INTS9: variants seen among roughly 807,000 people sequenced by gnomAD.
INTS9 encodes integrator complex subunit 9, also known as protein related to CPSF subunits of 74 kDa.
Under a neutral mutation model 79.7 loss-of-function variants are expected in INTS9, and 55 were observed. The ratio of observed to expected loss-of-function variants is 0.69; its 90% CI spans 0.56 to 0.86. The LOEUF (loss-of-function observed/expected upper bound fraction) is 0.86, where lower values mean the gene tolerates loss of function less well. Ranked by LOEUF, INTS9 falls within the 40% of genes least tolerant of loss-of-function variation. The probability of loss-of-function intolerance (pLI) is 0.00; values close to 1 mark genes in which losing one functional copy is unlikely to be tolerated. For missense variants in INTS9, 721 were observed against 831.5 expected (o/e 0.87, Z 1.64); for synonymous variants, 319 against 325.2 (o/e 0.98, Z 0.20).
intron 10 of INTS9, among the ~76,000 whole-genome samples, chr8:28,791,545 T>C (rs1458149558): frequency 6.6e-6 from 1 of 152,192 alleles, no homozygotes; most frequent in Non-Finnish European, 1.5e-5. Flanking sequence ...AGCACCTCCT[T>C]CCAGAATGCC....
rs1432566702 is a variant in INTS9 at position 28,771,070 on chromosome 8, G to A, written c.1574C>T (p.Ser525Leu). 6.2e-7 allele frequency: 1 copy of A among 1,608,782 alleles called. No homozygotes were observed. Among genetic ancestry groups the A allele is most frequent in the Non-Finnish European group, 8.5e-7 (1 of 1,177,610 alleles). ...AGGCTTGATCTCCATGGGCACCAGT[G>A]AATCTGCGAGCTGAAAGCAAAGGGC... ...KIEIMPELAD[S>L]LVPMEIKPGI... The change falls in exon 15 of 17, where the codon TCA becomes TTA. Residue 525 changes from serine to leucine, a missense_variant. Physicochemically the swap from Ser to Leu is moderately radical, Grantham distance 145. Transcript: ENST00000521022.
At chr8:28,884,748 T>C (rs751120140) in intron 1 of INTS9, among the ~76,000 whole-genome samples, 24 of 152,174 alleles carry the variant, frequency 1.6e-4, no homozygotes, top group Non-Finnish European at 2.4e-4. Context: ...GGCACTCTTA[T>C]TAACCAGCAA....
rs528994828 is a variant in INTS9 at position 28,856,079 on chromosome 8, T to C, written c.137+3357A>G. 2.0e-5 allele frequency among the ~76,000 whole-genome samples: 3 copies of C among 152,306 alleles called. No homozygotes were observed. In the South Asian group the frequency reaches 6.2e-4, roughly 32 times the overall value. On this transcript the variant is annotated intron_variant, in intron 2 of 16. Coordinates refer to ENST00000521022, the MANE Select transcript of INTS9 (RefSeq NM_018250.4). Reference sequence around the variant, plus strand: ...GTCACACAAAAAAGATGACTCTTGATTGAGACAGGGTCAAGATGAGAATTG... The same window carrying C: ...GTCACACAAAAAAGATGACTCTTGACTGAGACAGGGTCAAGATGAGAATTG...
In INTS9 at chr8:28,798,208, C is replaced by T. The variant is rs537860727; in HGVS notation, c.745-1553G>A. The T allele has an allele frequency of 2.0e-5, 3 of 152,292 alleles. No homozygotes were observed. The South Asian group carries it at 6.2e-4, about 32-fold the overall frequency. 9.4% of individuals were successfully genotyped at this position (152,292 alleles called of 1,614,324 possible). A position where few individuals can be genotyped will look rare whatever the true frequency, so the allele number is the denominator to read the frequency against. ...ACAAATACATATGCATCCATTATTTCCAGAGAAGAGAGGAAGGGAAGTACA... is the reference window on the plus strand; with the variant it reads ...ACAAATACATATGCATCCATTATTTTCAGAGAAGAGAGGAAGGGAAGTACA... On this transcript the variant is annotated intron_variant, in intron 8 of 16. Coordinates refer to ENST00000521022, the MANE Select transcript of INTS9 (RefSeq NM_018250.4).
chr8:28,881,251 T>A (rs1809767021), intron 1 of INTS9, among the ~76,000 whole-genome samples: 2 of 117,610 alleles, frequency 1.7e-5, no homozygotes, highest in Non-Finnish European at 3.7e-5. Flanking sequence ...AGGAGGGAGG[T>A]GGGGGGGTCA....
intron 6 of INTS9, among the ~76,000 whole-genome samples, chr8:28,832,800 A>G (rs1806572755): frequency 6.6e-6 from 1 of 152,104 alleles, no homozygotes; most frequent in African/African-American, 2.4e-5. Context: ...CATCTCTACT[A>G]AAAATACAAA....
chr8:28,876,471 T>A (rs760439264), intron 1 of INTS9, among the ~76,000 whole-genome samples: 2 of 152,168 alleles, frequency 1.3e-5, no homozygotes, highest in Non-Finnish European at 2.9e-5. Flanking sequence ...TCTTTACTAA[T>A]GACTAGAAAA....
intron 8 of INTS9, among the ~76,000 whole-genome samples, chr8:28,806,640 C>T (rs963289938): frequency 5.9e-5 from 9 of 152,202 alleles, no homozygotes; most frequent in Non-Finnish European, 1.2e-4. Context: ...AATCAAATTT[C>T]AGTCCATCAG....
rs1425815066 is a variant in INTS9 at position 28,859,435 on chromosome 8, C to G, written c.137+1G>C. On this transcript the variant is annotated splice_donor_variant, in intron 2 of 16. Coordinates refer to ENST00000521022, the MANE Select transcript of INTS9 (RefSeq NM_018250.4). LOFTEE classifies it high-confidence loss of function. ...TTGTCTTTGGCTGCACCAGCACATACCTTTGAACAAGTGGCAAAGGAAGGA... is the reference window on the plus strand; with the variant it reads ...TTGTCTTTGGCTGCACCAGCACATAGCTTTGAACAAGTGGCAAAGGAAGGA... 1 of 1,614,008 alleles carries G rather than the reference C, an allele frequency of 6.2e-7. No homozygotes were observed.
intron 6 of INTS9, among the ~76,000 whole-genome samples, chr8:28,834,748 C>G (rs976584393): frequency 2.0e-5 from 3 of 151,312 alleles, no homozygotes; most frequent in Admixed American, 1.3e-4. Context: ...GCAATCTCAG[C>G]TCACTGAAAC....
At chr8:28,801,480 ACT>A (rs1804515539) in intron 8 of INTS9, among the ~76,000 whole-genome samples, 2 of 149,204 alleles carry the variant, frequency 1.3e-5, no homozygotes, top group South Asian at 2.1e-4. Context: ...ACAGAGTAAG[ACT>A]CTGTCTCAAA....
intron 6 of INTS9, among the ~76,000 whole-genome samples, chr8:28,821,357 G>A (rs557914483): frequency 5.9e-5 from 9 of 152,198 alleles, no homozygotes; most frequent in South Asian, 2.1e-4. Flanking sequence ...CGGAAGCCCC[G>A]ATAAACCCAT....
intron 6 of INTS9, among the ~76,000 whole-genome samples, chr8:28,834,730 G>A (rs1392624379): frequency 6.7e-6 from 1 of 149,902 alleles, no homozygotes; most frequent in Admixed American, 6.6e-5. Context: ...AGGCTGGAGT[G>A]CAATGGTGCA....
intron 1 of INTS9, among the ~76,000 whole-genome samples, chr8:28,864,879 G>A (rs571539493): frequency 5.9e-5 from 9 of 151,840 alleles, no homozygotes; most frequent in South Asian, 2.1e-4. Context: ...CCAGCTACCC[G>A]GGAGGCTGAG....
chr8:28,834,947 G>A (rs1009259810), intron 6 of INTS9, among the ~76,000 whole-genome samples: 5 of 152,298 alleles, frequency 3.3e-5, no homozygotes, highest in Admixed American at 3.3e-4. Flanking sequence ...AAAGTGCTGG[G>A]ATTACAGGCG....
At chr8:28,854,143 A>G (rs1808012443) in intron 2 of INTS9, among the ~76,000 whole-genome samples, 1 of 152,216 alleles carries the variant, frequency 6.6e-6, no homozygotes, top group East Asian at 1.9e-4. Context: ...CAGCCTTCCG[A>G]GCAGCTGGGA....
intron 1 of INTS9, among the ~76,000 whole-genome samples, chr8:28,867,531 TAAAA>T (rs766435433): frequency 1.7e-5 from 2 of 117,442 alleles, no homozygotes; most frequent in African/African-American, 3.2e-5. Context: ...GAGCTGAGAT[TAAAA>T]AAAAAAAAAA....
At chr8:28,882,871 G>A (rs1809971705) in intron 1 of INTS9, among the ~76,000 whole-genome samples, 1 of 152,054 alleles carries the variant, frequency 6.6e-6, no homozygotes, top group South Asian at 2.1e-4. Flanking sequence ...GTAAATCAGG[G>A]GCCATTTAAA....
intron 1 of INTS9, among the ~76,000 whole-genome samples, chr8:28,880,085 A>T (rs1809619812): frequency 6.6e-6 from 1 of 152,202 alleles, no homozygotes; most frequent in Non-Finnish European, 1.5e-5. Context: ...AACTATAATA[A>T]TATCATTTAC....
Sources: gnomAD v4.1 joint callset for allele counts (sites outside exome capture counted in the v4.1 genomes callset) on GRCh38, gnomAD v4.1.1 for gene constraint, MANE v1.5 for transcripts, NCBI Gene and HGNC (gene_info 2026-07-23, HGNC 2026-07-21) for gene names.